Variants in MPP7 observed in about 807,000 individuals in gnomAD.
The protein encoded by MPP7 is MAGUK p55 scaffold protein 7, also known as MAGUK p55 subfamily member 7.
Under a neutral mutation model 76.5 loss-of-function variants are expected in MPP7, and 60 were observed. The ratio of observed to expected loss-of-function variants is 0.78; its 90% CI spans 0.64 to 0.97. MPP7 has a LOEUF of 0.97. Ranked by LOEUF, MPP7 falls within the 50% of genes least tolerant of loss-of-function variation. The pLI, the probability that MPP7 is intolerant of heterozygous loss-of-function variation, is 0.00. For synonymous variants in MPP7, 237 were observed against 244.5 expected (o/e 0.97, Z 0.29); for missense variants, 641 against 694.0 (o/e 0.92, Z 0.86).
intron 1 of MPP7, among the ~76,000 whole-genome samples, chr10:28,294,019 G>A (rs554625688): frequency 2.0e-4 from 31 of 152,254 alleles, no homozygotes; most frequent in Non-Finnish European, 3.5e-4. Context: ...AAAGAATTGC[G>A]TTCAAGGGCT....
intron 2 of MPP7, among the ~76,000 whole-genome samples, chr10:28,229,975 C>T (rs1296900438): frequency 6.7e-6 from 1 of 150,202 alleles, no homozygotes; most frequent in East Asian, 1.9e-4. Context: ...AATGAAAATA[C>T]ATGACACAGT....
At chr10:28,071,883 C>T (rs1852257207) in intron 12 of MPP7, among the ~76,000 whole-genome samples, 1 of 152,050 alleles carries the variant, frequency 6.6e-6, no homozygotes, top group Non-Finnish European at 1.5e-5. Flanking sequence ...GATCAGACTT[C>T]CTTGAATATG....
intron 1 of MPP7, among the ~76,000 whole-genome samples, chr10:28,302,477 C>T (rs1180443780): frequency 2.0e-5 from 3 of 152,222 alleles, no homozygotes; most frequent in Non-Finnish European, 4.4e-5. Flanking sequence ...CAGCTTATCG[C>T]TCCCTTTCAG....
At chr10:28,099,761 C>T (rs375899384) in intron 11 of MPP7, among the ~76,000 whole-genome samples, 2 of 151,772 alleles carry the variant, frequency 1.3e-5, no homozygotes, top group African/African-American at 2.4e-5. Flanking sequence ...GAGCCAAGAT[C>T]GTGCCATTGC....
intron 3 of MPP7, among the ~76,000 whole-genome samples, chr10:28,200,808 A>C (rs1837746263): frequency 6.6e-6 from 1 of 152,248 alleles, no homozygotes; most frequent in Non-Finnish European, 1.5e-5. Flanking sequence ...CTGAGATAGT[A>C]GCTATTTGTA....
chr10:28,082,310 G>A (rs999679200), intron 12 of MPP7, among the ~76,000 whole-genome samples: 2 of 152,106 alleles, frequency 1.3e-5, no homozygotes, highest in African/African-American at 4.8e-5. Context: ...ACCAGTAGAA[G>A]CCTACTGATA....
chr10:28,218,050 A>C (rs1323537520), intron 2 of MPP7, among the ~76,000 whole-genome samples: 1 of 152,224 alleles, frequency 6.6e-6, no homozygotes, highest in Non-Finnish European at 1.5e-5. Flanking sequence ...AATGAAAATA[A>C]CGATGTGTAA....
rs1393911101 is a variant in MPP7 at position 28,167,510 on chromosome 10, A to AT, written c.157-17452dup. 9.2e-5 allele frequency among the ~76,000 whole-genome samples: 14 copies of AT among 152,288 alleles called. No homozygotes were observed. In the South Asian group the frequency reaches 1.4e-3, roughly 16 times the overall value. On this transcript the variant is annotated intron_variant, in intron 3 of 16. Coordinates refer to ENST00000683449, the MANE Select transcript of MPP7 (RefSeq NM_001318170.2). Reference sequence around the variant, plus strand: ...AAGGGAACAGCGTTTGAGAAGGCCTATTGGATACTATGTTCACCATTTGGG... The same window carrying AT: ...AAGGGAACAGCGTTTGAGAAGGCCTATTTGGATACTATGTTCACCATTTGGG...
intron 5 of MPP7, among the ~76,000 whole-genome samples, chr10:28,137,937 G>A (rs2133709370): frequency 6.6e-6 from 1 of 152,296 alleles, no homozygotes; most frequent in East Asian, 1.9e-4. Context: ...ACAGAATTAA[G>A]TGTCTAGCTT....
At chr10:28,318,899 T>G (rs1834342902) in intron 2 of MPP7, among the ~76,000 whole-genome samples, 1 of 152,238 alleles carries the variant, frequency 6.6e-6, no homozygotes, top group South Asian at 2.1e-4. Context: ...AACTTCTATT[T>G]GTGAAAGAAC....
At chr10:28,088,008 T>C (rs939643670) in intron 12 of MPP7, among the ~76,000 whole-genome samples, 1 of 152,164 alleles carries the variant, frequency 6.6e-6, no homozygotes, top group African/African-American at 2.4e-5. Flanking sequence ...TGAATTTCTT[T>C]TGAAGTATGT....
chr10:28,241,230 G>A (rs866795641), intron 1 of MPP7, among the ~76,000 whole-genome samples: 14 of 152,010 alleles, frequency 9.2e-5, no homozygotes, highest in South Asian at 2.1e-4. Context: ...ATCCTTTTGA[G>A]CTGATATTGC....
intron 1 of MPP7, among the ~76,000 whole-genome samples, chr10:28,294,237 G>A (rs942852776): frequency 1.3e-5 from 2 of 152,166 alleles, no homozygotes; most frequent in Admixed American, 1.3e-4. Context: ...AAGCCGGGAG[G>A]TGGAACCTGC....
chr10:28,231,057 T>C (rs1355428386), intron 2 of MPP7, among the ~76,000 whole-genome samples: 5 of 151,816 alleles, frequency 3.3e-5, no homozygotes, highest in African/African-American at 1.2e-4. Context: ...ATATTCAGAA[T>C]ACTTATTGAA....
At chr10:28,261,465 C>CTA (rs923880069) in intron 1 of MPP7, among the ~76,000 whole-genome samples, 1 of 152,206 alleles carries the variant, frequency 6.6e-6, no homozygotes, top group African/African-American at 2.4e-5. Flanking sequence ...CCCTGCCATT[C>CTA]TATCCTAAAT....
At chr10:28,057,874 G>A (rs1851624764) in intron 15 of MPP7, 1 of 1,216,142 alleles carries the variant, frequency 8.2e-7, no homozygotes, top group Non-Finnish European at 1.0e-6. Context: ...AAATGCTGTG[G>A]GCTGGGGATC....
chr10:28,105,927 AATATGGATCTTTG>A (rs1834309476), intron 11 of MPP7, among the ~76,000 whole-genome samples: 1 of 152,214 alleles, frequency 6.6e-6, no homozygotes, highest in African/African-American at 2.4e-5. Flanking sequence ...TCTAACAAAA[AATATGGATCTTTG>A]TCCCAACACA....
chr10:28,259,354 G>A (rs1349783194), intron 1 of MPP7, among the ~76,000 whole-genome samples: 2 of 152,072 alleles, frequency 1.3e-5, no homozygotes, highest in East Asian at 1.9e-4. Flanking sequence ...CTAGGCCAGC[G>A]GATTGCTTGA....
In MPP7 at chr10:28,051,275, A is replaced by C. The variant is rs747245889; in HGVS notation, c.*2790T>G. 4 of 152,192 alleles carry C rather than the reference A, an allele frequency of 2.6e-5. No individual in the cohort carries two copies. The highest frequency in any genetic ancestry group is 5.9e-5 in the Non-Finnish European group (4 of 68,014). 9.4% of individuals were successfully genotyped at this position (152,192 alleles called of 1,614,324 possible). On this transcript the variant is annotated 3_prime_UTR_variant, in exon 17 of 17. Transcript: ENST00000683449. ...AATAATAAAAATCTGTATCTTTAGA[A>C]AGAACATAGTTTTGTAAGTCTGAGA...
Sources: allele counts gnomAD v4.1 joint callset (sites outside exome capture counted in the v4.1 genomes callset), GRCh38; gene constraint gnomAD v4.1.1; transcripts MANE v1.5; gene names NCBI Gene and HGNC (gene_info 2026-07-23, HGNC 2026-07-21).